The following S100PBP variants were observed in gnomAD, a reference collection of about 807,000 sequenced individuals.
The protein encoded by S100PBP is S100P binding protein.
S100PBP carries 15 observed loss-of-function variants against 39.9 expected under a neutral mutation model. That is an observed-to-expected ratio of 0.38 (90% CI 0.25 to 0.58). The LOEUF is 0.58. Ranked by LOEUF, S100PBP falls within the 20% of genes least tolerant of loss-of-function variation. S100PBP has a pLI of 0.70. For synonymous variants in S100PBP, 178 were observed against 180.3 expected (o/e 0.99, Z 0.10); for missense variants, 504 against 487.3 (o/e 1.03, Z -0.32).
chr1:32,828,019 G>A lies in S100PBP; in HGVS notation c.858G>A (p.Gly286=), dbSNP rs1639416987. Residue 286 remains glycine, a synonymous_variant, in exon 4 of 7, where the codon GGG becomes GGA. Transcript: ENST00000373475. ...NKQDVLNKDS[G]KMKGHERRLG... is the part of the protein sequence containing the mutation. ...AGGATGTTCTTAACAAGGATTCTGG[G>A]AAGATGAAAGGCCATGAGAGAAGAC... is the stretch of plus-strand genomic sequence containing the variant. The A allele has an allele frequency of 6.2e-7, 1 of 1,611,254 alleles. No homozygotes were observed. The highest frequency in any genetic ancestry group is 1.7e-5 in the Admixed American group (1 of 59,880).
intron 5 of S100PBP, chr1:32,843,020 T>C (rs1640191998): frequency 6.6e-6 from 1 of 152,234 alleles, no homozygotes; most frequent in African/African-American, 2.4e-5. Context: ...GTGTTTCATA[T>C]TGTGATGCTT....
At chr1:32,821,632 CTTTCTTTCTTTTTTTTTTTTT>C (rs1312925670) in intron 1 of S100PBP, among the ~76,000 whole-genome samples, 1 of 138,642 alleles carries the variant, frequency 7.2e-6, no homozygotes, top group Non-Finnish European at 1.5e-5. Context: ...TTTCTTTTTT[CTTTCTTTCTTTTTTTTTTTTT>C]TGATACAGTT....
chr1:32,819,927 T>C (rs1638966781), intron 1 of S100PBP, among the ~76,000 whole-genome samples: 1 of 152,180 alleles, frequency 6.6e-6, no homozygotes, highest in Admixed American at 6.5e-5. Flanking sequence ...TGAAGTGAAT[T>C]GCTGAGGTCC....
chr1:32,831,071 C>T (rs1639576357), intron 5 of S100PBP, among the ~76,000 whole-genome samples: 1 of 92,026 alleles, frequency 1.1e-5, no homozygotes, highest in African/African-American at 4.9e-5. Flanking sequence ...CAGAATGAGA[C>T]TCTGTCTCAA....
intron 5 of S100PBP, among the ~76,000 whole-genome samples, chr1:32,850,166 T>C (rs1012797562): frequency 2.6e-5 from 4 of 152,196 alleles, no homozygotes; most frequent in Admixed American, 6.5e-5. Context: ...AGATTAATTT[T>C]CTAAAATGCA....
chr1:32,845,277 A>T lies in S100PBP; in HGVS notation c.1025-7802A>T, dbSNP rs561218473. 2.1e-4 allele frequency among the ~76,000 whole-genome samples: 32 copies of T among 152,028 alleles called. No individual in the cohort carries two copies. In the South Asian group the frequency reaches 2.7e-3, roughly 13 times the overall value. On this transcript the variant is annotated intron_variant, in intron 5 of 6. Coordinates refer to ENST00000373475, the MANE Select transcript of S100PBP (RefSeq NM_022753.4). ...CTCGATCTCCTGGCCTTTCTTTTTT[A>T]AAAAATAGAGACAGTAGCCGAGTGT... is the stretch of plus-strand genomic sequence containing the variant.
rs759151920 is a variant in S100PBP at position 32,829,948 on chromosome 1, G to T, written c.921-16G>T. On this transcript the variant is annotated splice_polypyrimidine_tract_variant and intron_variant, in intron 4 of 6. Coordinates refer to ENST00000373475, the MANE Select transcript of S100PBP (RefSeq NM_022753.4). ...TAATGGGCTGTTTTTCTTTTTTCTG[G>T]TTTGCTTTATTCAAGGACTAATGTT... 7 of 1,590,498 alleles carry T rather than the reference G, an allele frequency of 4.4e-6. No individual in the cohort carries two copies. The African/African-American group carries it at 9.4e-5, about 21-fold the overall frequency.
In S100PBP at chr1:32,857,835, A is replaced by G. The variant is rs1205357098; in HGVS notation, c.*1797A>G. 1 of 152,226 alleles carries G rather than the reference A, an allele frequency of 6.6e-6. No individual in the cohort carries two copies. The highest frequency in any genetic ancestry group is 2.4e-5 in the African/African-American group (1 of 41,472). The allele number at this position is 152,226 out of a possible 1,614,324, so 9.4% of individuals were successfully genotyped here. On this transcript the variant is annotated 3_prime_UTR_variant, in exon 7 of 7. Coordinates refer to ENST00000373475, the MANE Select transcript of S100PBP (RefSeq NM_022753.4). ...GGAACGCTTGGTCATTTAAGCCAAC[A>G]ATAAATTTAGGTGAATGTCCCTAAG...
intron 1 of S100PBP, among the ~76,000 whole-genome samples, chr1:32,823,537 C>T (rs918765234): frequency 6.6e-6 from 1 of 152,124 alleles, no homozygotes; most frequent in African/African-American, 2.4e-5. Context: ...TGTTGAGAGG[C>T]TAAGTTAGAG....
At chr1:32,823,270 C>G (rs370176574) in intron 1 of S100PBP, among the ~76,000 whole-genome samples, 1 of 152,208 alleles carries the variant, frequency 6.6e-6, no homozygotes, top group Non-Finnish European at 1.5e-5. Context: ...CTGTGATAAC[C>G]TGTCTGACAA....
intron 5 of S100PBP, among the ~76,000 whole-genome samples, chr1:32,840,674 T>C (rs1640046721): frequency 6.6e-6 from 1 of 152,076 alleles, no homozygotes; most frequent in Non-Finnish European, 1.5e-5. Flanking sequence ...TATTTTTCAA[T>C]GGGAGTCATC....
At chr1:32,829,330 C>A (rs1639483201) in intron 4 of S100PBP, among the ~76,000 whole-genome samples, 1 of 152,218 alleles carries the variant, frequency 6.6e-6, no homozygotes, top group South Asian at 2.1e-4. Context: ...TTTTCAGTTT[C>A]ACTCTAGAAA....
At position 32,826,261 on chromosome 1, in the gene S100PBP, AGAG is replaced by A; in HGVS notation, c.165_167del (p.Glu57del). 1.2e-6 allele frequency: 2 copies of A among 1,614,178 alleles called. No individual in the cohort carries two copies. Among genetic ancestry groups the A allele is most frequent in the South Asian group, 2.2e-5 (2 of 91,076 alleles). On this transcript the variant is annotated inframe_deletion, in exon 3 of 7. Coordinates refer to ENST00000373475, the MANE Select transcript of S100PBP (RefSeq NM_022753.4). ...AAGATGATGGTGATGTAAATTACAC[AGAG>A]GAAGAGATTGATGCACTGTTGAAGG...
intron 1 of S100PBP, 37 bp downstream of exon 1, chr1:32,817,726 C>T: frequency 5.0e-6 from 1 of 201,156 alleles, no homozygotes; most frequent in Non-Finnish European, 1.1e-5. Flanking sequence ...CGGCGTTACC[C>T]GGCTTGGAGG....
At chr1:32,827,895 A>T (rs1639410785) in intron 3 of S100PBP, 98 bp from the exon 4 acceptor site, 1 of 766,588 alleles carries the variant, frequency 1.3e-6, no homozygotes, top group East Asian at 2.7e-5. Context: ...AGGCTTTTGT[A>T]GCCTTTAGTT....
chr1:32,852,531 C>T (rs1156722497), intron 5 of S100PBP, among the ~76,000 whole-genome samples: 3 of 152,152 alleles, frequency 2.0e-5, no homozygotes, highest in Non-Finnish European at 2.9e-5. Flanking sequence ...GTTCTAAACT[C>T]CTCTTGTTTC....
intron 5 of S100PBP, among the ~76,000 whole-genome samples, chr1:32,837,988 C>T (rs1639907813): frequency 6.6e-6 from 1 of 152,038 alleles, no homozygotes; most frequent in Non-Finnish European, 1.5e-5. Context: ...TTTTATTTTT[C>T]TTAAGTAAAT....
At chr1:32,819,814 T>C (rs930745613) in intron 1 of S100PBP, among the ~76,000 whole-genome samples, 19 of 152,196 alleles carry the variant, frequency 1.2e-4, no homozygotes, top group African/African-American at 4.1e-4. Context: ...TAGAGTACTT[T>C]CATAAACATC....
chr1:32,819,211 G>T (rs959181242), intron 1 of S100PBP, among the ~76,000 whole-genome samples: 1 of 152,180 alleles, frequency 6.6e-6, no homozygotes, highest in Non-Finnish European at 1.5e-5. Flanking sequence ...TCACAGAAAG[G>T]ATGGGGTGTA....
Sources: gnomAD v4.1 joint callset for allele counts (sites outside exome capture counted in the v4.1 genomes callset) on GRCh38, gnomAD v4.1.1 for gene constraint, MANE v1.5 for transcripts, NCBI Gene and HGNC (gene_info 2026-07-23, HGNC 2026-07-21) for gene names.